Variants in SH3RF1 observed in about 807,000 individuals in gnomAD.
SH3RF1 encodes E3 ubiquitin-protein ligase SH3RF1.
A neutral mutation model predicts 74.0 loss-of-function variants in SH3RF1; 32 were observed. The ratio of observed to expected loss-of-function variants is 0.43; its 90% confidence interval spans 0.33 to 0.58. The LOEUF is 0.58. Ranked by LOEUF, SH3RF1 falls within the 20% of genes least tolerant of loss-of-function variation. The pLI is 0.05. For missense variants in SH3RF1, 954 were observed against 1,130.9 expected, an observed-to-expected ratio of 0.84 and a Z score of 2.24; for synonymous variants, 396 against 439.6, an observed-to-expected ratio of 0.90 and a Z score of 1.24.
chr4:169,184,613 T>A (rs1283367980), intron 2 of SH3RF1, among the ~76,000 whole-genome samples: 2 of 152,180 alleles, frequency 1.3e-5, no homozygotes, highest in Non-Finnish European at 2.9e-5. Flanking sequence ...ACTAATTAAC[T>A]ATGAGCCACT....
intron 2 of SH3RF1, among the ~76,000 whole-genome samples, chr4:169,256,269 A>G (rs1414902552): frequency 6.6e-6 from 1 of 151,484 alleles, no homozygotes; most frequent in Non-Finnish European, 1.5e-5. Flanking sequence ...GGAGGGAGAG[A>G]GAAAGGGAGA....
chr4:169,098,383 T>C (rs992266776), intron 11 of SH3RF1, among the ~76,000 whole-genome samples: 1 of 152,200 alleles, frequency 6.6e-6, no homozygotes, highest in Non-Finnish European at 1.5e-5. Flanking sequence ...ACAAATTCTA[T>C]ACAACTGTCC....
chr4:169,191,226 T>C (rs1380645165), intron 2 of SH3RF1, among the ~76,000 whole-genome samples: 1 of 148,736 alleles, frequency 6.7e-6, no homozygotes, highest in Non-Finnish European at 1.5e-5. Context: ...CGCAGATCAG[T>C]AGCTCTTCTA....
chr4:169,182,921 A>G (rs1009576288), intron 2 of SH3RF1, among the ~76,000 whole-genome samples: 24 of 152,084 alleles, frequency 1.6e-4, no homozygotes, highest in Non-Finnish European at 3.5e-4. Context: ...GAAGTTGAAG[A>G]CTTCCCAAAA....
intron 4 of SH3RF1, among the ~76,000 whole-genome samples, chr4:169,141,385 A>T (rs1651901252): frequency 6.6e-6 from 1 of 152,182 alleles, no homozygotes. Context: ...AGACGTTGCC[A>T]TTTACTATGT....
intron 2 of SH3RF1, among the ~76,000 whole-genome samples, chr4:169,248,924 A>G (rs1359559623): frequency 1.3e-5 from 2 of 152,214 alleles, no homozygotes; most frequent in Non-Finnish European, 1.5e-5. Flanking sequence ...ATTAAGAAGT[A>G]GGGCCTTTAA....
intron 4 of SH3RF1, among the ~76,000 whole-genome samples, chr4:169,148,848 T>C (rs1305892486): frequency 6.6e-6 from 1 of 152,172 alleles, no homozygotes; most frequent in Non-Finnish European, 1.5e-5. Flanking sequence ...CAAAGAAATA[T>C]CCCTGATGAG....
At chr4:169,194,571 T>C (rs1471194992) in intron 2 of SH3RF1, among the ~76,000 whole-genome samples, 1 of 152,240 alleles carries the variant, frequency 6.6e-6, no homozygotes, top group African/African-American at 2.4e-5. Context: ...CATTGAAGCA[T>C]ACTATTCCAC....
At chr4:169,127,077 A>G (rs1046329374) in intron 6 of SH3RF1, among the ~76,000 whole-genome samples, 1 of 152,188 alleles carries the variant, frequency 6.6e-6, no homozygotes, top group Non-Finnish European at 1.5e-5. Flanking sequence ...CGAGACTAAG[A>G]TCTTCAACCT....
chr4:169,139,415 C>G (rs1358698576), intron 4 of SH3RF1, among the ~76,000 whole-genome samples: 1 of 152,152 alleles, frequency 6.6e-6, no homozygotes, highest in African/African-American at 2.4e-5. Flanking sequence ...TGAGATTTAT[C>G]CATATTGCTC....
chr4:169,184,522 C>T (rs1056009329), intron 2 of SH3RF1, among the ~76,000 whole-genome samples: 18 of 152,176 alleles, frequency 1.2e-4, no homozygotes, highest in Non-Finnish European at 2.5e-4. Context: ...TATTCCTTTC[C>T]TTTTGAGCCA....
intron 2 of SH3RF1, among the ~76,000 whole-genome samples, chr4:169,199,082 A>G (rs995603132): frequency 1.3e-5 from 2 of 152,232 alleles, no homozygotes; most frequent in Non-Finnish European, 2.9e-5. Context: ...CTAAACAATC[A>G]ATAATACAAT....
intron 2 of SH3RF1, among the ~76,000 whole-genome samples, chr4:169,174,397 G>A (rs930810343): frequency 6.6e-6 from 1 of 152,126 alleles, no homozygotes; most frequent in Non-Finnish European, 1.5e-5. Context: ...ATGAGGGCAC[G>A]AATCACCTGG....
chr4:169,114,414 A>C (rs1196936369), intron 10 of SH3RF1, among the ~76,000 whole-genome samples: 1 of 152,204 alleles, frequency 6.6e-6, no homozygotes, highest in African/African-American at 2.4e-5. Flanking sequence ...CCACCTTGTC[A>C]AAAGGCTATT....
At chr4:169,228,548 C>T (rs1730687630) in intron 2 of SH3RF1, among the ~76,000 whole-genome samples, 1 of 152,190 alleles carries the variant, frequency 6.6e-6, no homozygotes, top group African/African-American at 2.4e-5. Flanking sequence ...TTCTGCCTCG[C>T]TATTCCACTT....
chr4:169,096,270 T>G lies in SH3RF1; in HGVS notation c.*249A>C. 1 of 366,246 alleles carries G rather than the reference T, an allele frequency of 2.7e-6. No homozygotes were observed. The highest frequency in any genetic ancestry group is 4.8e-6 in the Non-Finnish European group (1 of 207,682). The allele number at this position is 366,246 out of a possible 1,614,324, so 22.7% of individuals were successfully genotyped here. A position where few individuals can be genotyped will look rare whatever the true frequency, so the allele number is the denominator to read the frequency against. Reference sequence around the variant, plus strand: ...CATATATCTTAAAAAAAAAAAAAAGTTTCTCTGTGTAGTAAATCAGACAGT... The same window carrying G: ...CATATATCTTAAAAAAAAAAAAAAGGTTCTCTGTGTAGTAAATCAGACAGT... On this transcript the variant is annotated 3_prime_UTR_variant, in exon 12 of 12. Transcript: ENST00000284637.
At chr4:169,147,857 CTT>C (rs1392704602) in intron 4 of SH3RF1, among the ~76,000 whole-genome samples, 2 of 152,120 alleles carry the variant, frequency 1.3e-5, no homozygotes, top group South Asian at 2.1e-4. Context: ...TAAGACATGA[CTT>C]AACATTTGAT....
chr4:169,199,712 AAAAC>A (rs1257655548), intron 2 of SH3RF1, among the ~76,000 whole-genome samples: 2 of 152,226 alleles, frequency 1.3e-5, no homozygotes, highest in African/African-American at 4.8e-5. Context: ...TGGGAATAAG[AAAAC>A]AAACAAAATT....
In SH3RF1 at chr4:169,120,895, C is replaced by A. The variant is rs768818446; in HGVS notation, c.1441G>T (p.Gly481Cys). The change falls in exon 8 of 12, where the codon GGC (glycine) becomes TGC (cysteine). Residue 481 changes from glycine (G) to cysteine (C), a missense_variant. Transcript: ENST00000284637. ...MFLVFERCQD[G>C]WFKGTSMHTS... ...TGCATGGATGTCCCTTTGAACCAGCCATCCTGGCAGCGCTCAAACACTAAA... is the reference window on the plus strand; with the variant it reads ...TGCATGGATGTCCCTTTGAACCAGCAATCCTGGCAGCGCTCAAACACTAAA... 1.2e-6 allele frequency: 2 copies of A among 1,614,204 alleles called. No individual in the cohort carries two copies. The highest frequency in any genetic ancestry group is 1.7e-5 in the Admixed American group (1 of 60,032).
Sources: gnomAD v4.1 joint callset for allele counts (sites outside exome capture counted in the v4.1 genomes callset) on GRCh38, gnomAD v4.1.1 for gene constraint, MANE v1.5 for transcripts, NCBI Gene and HGNC (gene_info 2026-07-23, HGNC 2026-07-21) for gene names.